Variants in CNTNAP5 observed in about 807,000 individuals in gnomAD.
The protein encoded by CNTNAP5 is contactin-associated protein-like 5.
Under a neutral mutation model 150.2 loss-of-function variants are expected in CNTNAP5, and 72 were observed. That is an observed-to-expected ratio of 0.48 (90% CI 0.40 to 0.58). The LOEUF is 0.58. Among genes scored for constraint, CNTNAP5 ranks in the 20% least tolerant of loss-of-function variants. The pLI, the probability that CNTNAP5 is intolerant of heterozygous loss-of-function variation, is 0.00. For missense variants in CNTNAP5, 1,636 were observed against 1,626.2 expected (o/e 1.01, Z -0.10); for synonymous variants, 672 against 619.8 (o/e 1.08, Z -1.25).
At chr2:124,400,815 A>G (rs911546854) in intron 3 of CNTNAP5, among the ~76,000 whole-genome samples, 1 of 151,994 alleles carries the variant, frequency 6.6e-6, no homozygotes, top group African/African-American at 2.4e-5. Flanking sequence ...GCAGAGACAG[A>G]AATATAAATA....
intron 3 of CNTNAP5, among the ~76,000 whole-genome samples, chr2:124,365,740 C>T (rs1170651412): frequency 6.6e-6 from 1 of 152,142 alleles, no homozygotes; most frequent in Non-Finnish European, 1.5e-5. Context: ...TGACAATTAA[C>T]TTAAAGATTA....
intron 6 of CNTNAP5, among the ~76,000 whole-genome samples, chr2:124,465,694 CTG>C (rs1693360595): frequency 6.6e-6 from 1 of 152,160 alleles, no homozygotes; most frequent in Non-Finnish European, 1.5e-5. Context: ...TCAGCATCTA[CTG>C]TGTTTCACGT....
chr2:124,518,666 C>A (rs955839121), intron 8 of CNTNAP5, among the ~76,000 whole-genome samples: 1 of 152,004 alleles, frequency 6.6e-6, no homozygotes, highest in Non-Finnish European at 1.5e-5. Context: ...CAAGTGGAAA[C>A]AATTCACATA....
At chr2:124,043,680 A>G (rs1054602836) in intron 1 of CNTNAP5, among the ~76,000 whole-genome samples, 4 of 152,176 alleles carry the variant, frequency 2.6e-5, no homozygotes, top group Non-Finnish European at 5.9e-5. Flanking sequence ...TGTGGGCTAC[A>G]ATGTGATGGT....
intron 3 of CNTNAP5, among the ~76,000 whole-genome samples, chr2:124,393,254 C>T (rs1691166044): frequency 1.3e-5 from 2 of 152,088 alleles, no homozygotes; most frequent in African/African-American, 4.8e-5. Flanking sequence ...AATTAGCCAA[C>T]CCACCGTTTC....
intron 3 of CNTNAP5, among the ~76,000 whole-genome samples, chr2:124,405,448 T>C (rs928935066): frequency 6.6e-6 from 1 of 152,164 alleles, no homozygotes; most frequent in Admixed American, 6.5e-5. Flanking sequence ...GAAACCGGAC[T>C]CCACTTATAT....
At chr2:124,211,952 T>C (rs993473331) in intron 1 of CNTNAP5, among the ~76,000 whole-genome samples, 1 of 152,222 alleles carries the variant, frequency 6.6e-6, no homozygotes, top group Non-Finnish European at 1.5e-5. Context: ...TGCAGGATCA[T>C]GATTAGCTGT....
intron 1 of CNTNAP5, among the ~76,000 whole-genome samples, chr2:124,079,330 A>G (rs2104672680): frequency 6.6e-6 from 1 of 152,282 alleles, no homozygotes; most frequent in South Asian, 2.1e-4. Context: ...GCCTCCTCCA[A>G]GAAAGCCCAG....
chr2:124,535,333 A>G (rs541265345), intron 10 of CNTNAP5, among the ~76,000 whole-genome samples: 4 of 152,330 alleles, frequency 2.6e-5, no homozygotes, highest in South Asian at 2.1e-4. Context: ...TTTCGCTGTA[A>G]TCCTTTCTAC....
At chr2:124,804,979 G>T (rs1194922156) in intron 19 of CNTNAP5, among the ~76,000 whole-genome samples, 1 of 151,904 alleles carries the variant, frequency 6.6e-6, no homozygotes, top group African/African-American at 2.4e-5. Context: ...GGGAATTTGG[G>T]GTTAAAAATT....
At chr2:124,887,706 C>A (rs1050777944) in intron 21 of CNTNAP5, among the ~76,000 whole-genome samples, 3 of 152,000 alleles carry the variant, frequency 2.0e-5, no homozygotes, top group African/African-American at 7.2e-5. Context: ...GAAAACTTGG[C>A]AGAAAAGAAA....
At chr2:124,220,113 A>G (rs909584762) in intron 1 of CNTNAP5, among the ~76,000 whole-genome samples, 1 of 152,062 alleles carries the variant, frequency 6.6e-6, no homozygotes, top group Admixed American at 6.6e-5. Flanking sequence ...AATTTGCTGA[A>G]TAAATAAGCT....
At chr2:124,900,478 A>G (rs1678394301) in intron 21 of CNTNAP5, among the ~76,000 whole-genome samples, 1 of 151,482 alleles carries the variant, frequency 6.6e-6, no homozygotes, top group Admixed American at 6.6e-5. Flanking sequence ...AAACACCTCA[A>G]GGTTTCTGTC....
In CNTNAP5 at chr2:124,499,150, G is replaced by GA. The variant is rs1553473672; in HGVS notation, c.1063-5142_1063-5141insA. On this transcript the variant is annotated intron_variant, in intron 7 of 23. Coordinates refer to ENST00000682447, the MANE Select transcript of CNTNAP5 (RefSeq NM_001367498.1). Reference sequence around the variant, plus strand: ...AACAATGAGGACCAGAGAAAGGCATGTTTTTTTTTCCCTAAATATTTGTAA... The same window carrying GA: ...AACAATGAGGACCAGAGAAAGGCATGATTTTTTTTTCCCTAAATATTTGTAA... Among the ~76,000 whole-genome samples the GA allele has an allele frequency of 3.3e-5, 5 of 151,262 alleles. No individual in the cohort carries two copies. The East Asian group carries it at 9.7e-4, about 29-fold the overall frequency.
intron 1 of CNTNAP5, among the ~76,000 whole-genome samples, chr2:124,197,971 T>A (rs1240168050): frequency 1.5e-5 from 2 of 133,508 alleles, no homozygotes; most frequent in African/African-American, 5.7e-5. Flanking sequence ...ACAGAGACTC[T>A]GTCTCAAAAA....
intron 1 of CNTNAP5, among the ~76,000 whole-genome samples, chr2:124,109,277 C>T (rs569410699): frequency 5.9e-5 from 9 of 152,342 alleles, no homozygotes; most frequent in African/African-American, 2.2e-4. Flanking sequence ...CCCAGCTTCT[C>T]TGCCTCTGGA....
At chr2:124,720,148 A>G (rs1349895681) in intron 13 of CNTNAP5, among the ~76,000 whole-genome samples, 5 of 152,148 alleles carry the variant, frequency 3.3e-5, no homozygotes, top group Admixed American at 3.3e-4. Context: ...TCATCCCAGC[A>G]TCTGAATTCT....
intron 3 of CNTNAP5, among the ~76,000 whole-genome samples, chr2:124,250,259 T>G (rs780042): frequency 0.34 from 52,414 of 152,036 alleles, 9,279 homozygotes; most frequent in Admixed American, 0.42. Flanking sequence ...AGGGTGGGAC[T>G]GAGAATTTGC....
At chr2:124,272,239 A>G (rs1230137003) in intron 3 of CNTNAP5, among the ~76,000 whole-genome samples, 1 of 152,118 alleles carries the variant, frequency 6.6e-6, no homozygotes, top group Non-Finnish European at 1.5e-5. Context: ...AGTTTTCCCA[A>G]TTCCTGATCT....
Sources: gnomAD v4.1 joint callset for allele counts (sites outside exome capture counted in the v4.1 genomes callset) on GRCh38, gnomAD v4.1.1 for gene constraint, MANE v1.5 for transcripts, NCBI Gene and HGNC (gene_info 2026-07-23, HGNC 2026-07-21) for gene names.